Variants in TXNDC15 observed in about 807,000 individuals in gnomAD.
TXNDC15 encodes thioredoxin domain-containing protein 15.
A neutral mutation model predicts 35.0 loss-of-function variants in TXNDC15; 24 were observed. The observed-to-expected ratio is 0.68, with a 90% CI of 0.50 to 0.96. TXNDC15 has a LOEUF of 0.96. Ranked by LOEUF, TXNDC15 falls within the 40% of genes least tolerant of loss-of-function variation. TXNDC15 has a pLI of 0.00. For missense variants in TXNDC15, 385 were observed against 453.3 expected, an observed-to-expected ratio of 0.85 and a Z score of 1.37; for synonymous variants, 169 against 174.0, an observed-to-expected ratio of 0.97 and a Z score of 0.23.
intron 2 of TXNDC15, among the ~76,000 whole-genome samples, chr5:134,891,884 C>T (rs1344562592): frequency 6.6e-6 from 1 of 152,102 alleles, no homozygotes; most frequent in Non-Finnish European, 1.5e-5. Context: ...CACTGTACTC[C>T]AGCCTGGGTG....
chr5:134,896,431 G>A lies in TXNDC15; in HGVS notation c.886+7G>A, dbSNP rs1343061731. 6.2e-7 allele frequency: 1 copy of A among 1,613,014 alleles called. No individual in the cohort carries two copies. Among genetic ancestry groups the A allele is most frequent in the Non-Finnish European group, 8.5e-7 (1 of 1,179,636 alleles). Reference sequence around the variant, plus strand: ...TTCATTTTTAATCAGACAGGTATGTGGAAGTAATGTGCTGAGGAAGAAGAT... The same window carrying A: ...TTCATTTTTAATCAGACAGGTATGTAGAAGTAATGTGCTGAGGAAGAAGAT... On this transcript the variant is annotated splice_region_variant and intron_variant, in intron 4 of 4. Coordinates refer to ENST00000358387, the MANE Select transcript of TXNDC15 (RefSeq NM_024715.4).
At chr5:134,874,263 T>C, upstream of TXNDC15, 1 of 585,002 alleles carries the variant, frequency 1.7e-6, no homozygotes, top group South Asian at 2.1e-5. Context: ...GGCCAGCGGC[T>C]AGAGGCCGTC....
chr5:134,883,253 C>T (rs1046141926), intron 1 of TXNDC15, among the ~76,000 whole-genome samples: 90 of 152,030 alleles, frequency 5.9e-4, no homozygotes, highest in African/African-American at 2.1e-3. Flanking sequence ...GATGAAACCC[C>T]GTCTCTACTA....
upstream of TXNDC15, chr5:134,874,296 C>T: frequency 2.8e-6 from 2 of 713,594 alleles, no homozygotes. Context: ...AGATGGCGCC[C>T]GCCACAGCTG....
In TXNDC15 at chr5:134,899,728, G is replaced by A. The variant is rs73790726; in HGVS notation, c.*43G>A. The A allele has an allele frequency of 1.8e-3, 2,711 of 1,481,796 alleles. 47 individuals carry two copies. In the African/African-American group the frequency reaches 0.035, roughly 19 times the overall value. The allele number at this position is 1,481,796 out of a possible 1,614,324, so 91.8% of individuals were successfully genotyped here. On this transcript the variant is annotated 3_prime_UTR_variant, in exon 5 of 5. Coordinates refer to ENST00000358387, the MANE Select transcript of TXNDC15 (RefSeq NM_024715.4). Reference sequence around the variant, plus strand: ...TTGGAAAGAGGAACTTCAATCCTTCGTTTCAGAAATTAGTGCTACAGTTTC... The same window carrying A: ...TTGGAAAGAGGAACTTCAATCCTTCATTTCAGAAATTAGTGCTACAGTTTC...
At chr5:134,891,692 A>G (rs1750389966) in intron 2 of TXNDC15, among the ~76,000 whole-genome samples, 3 of 152,202 alleles carry the variant, frequency 2.0e-5, no homozygotes. Context: ...TCAGAGGCCA[A>G]GGTGGGTGGA....
chr5:134,884,722 A>C (rs1750240797), intron 1 of TXNDC15, among the ~76,000 whole-genome samples: 1 of 152,092 alleles, frequency 6.6e-6, no homozygotes, highest in Non-Finnish European at 1.5e-5. Context: ...TGAATGCAAT[A>C]CAGTTACAAT....
At chr5:134,884,556 T>C (rs1750237322) in intron 1 of TXNDC15, among the ~76,000 whole-genome samples, 2 of 151,298 alleles carry the variant, frequency 1.3e-5, no homozygotes, top group South Asian at 4.2e-4. Flanking sequence ...CCAATTTGAT[T>C]GTTTTTATTT....
chr5:134,876,872 A>C (rs957339438), intron 1 of TXNDC15, among the ~76,000 whole-genome samples: 3 of 151,968 alleles, frequency 2.0e-5, no homozygotes, highest in Non-Finnish European at 4.4e-5. Flanking sequence ...TCCTGGCTTC[A>C]ATACCCCTAT....
At chr5:134,875,236 G>A (rs1048425752) in intron 1 of TXNDC15, 2 of 456,256 alleles carry the variant, frequency 4.4e-6, no homozygotes, top group Non-Finnish European at 8.8e-6. Flanking sequence ...GGAGAGTGGA[G>A]GCCTTACTTT....
Position 134,874,474 on chromosome 5 carries a change from T to A in TXNDC15, c.47T>A (p.Leu16His). The A allele has an allele frequency of 6.2e-7, 1 of 1,606,122 alleles. No individual in the cohort carries two copies. The highest frequency in any genetic ancestry group is 8.5e-7 in the Non-Finnish European group (1 of 1,177,966). The change falls in exon 1 of 5, where the codon CTC becomes CAC. Residue 16 changes from leucine (L) to histidine (H), a missense_variant. Coordinates refer to ENST00000358387, the MANE Select transcript of TXNDC15 (RefSeq NM_024715.4). Reference sequence around the variant, plus strand: ...CGACCGCCCCGCGTCATGCGGCTCCTCGGCTGGTGGCAAGTATTGCTGTGG... The same window carrying A: ...CGACCGCCCCGCGTCATGCGGCTCCACGGCTGGTGGCAAGTATTGCTGTGG... ...GRRPPRVMRL[L>H]GWWQVLLWVL...
intron 1 of TXNDC15, chr5:134,875,314 G>A (rs1265335907): frequency 2.2e-6 from 1 of 456,254 alleles, no homozygotes; most frequent in South Asian, 1.5e-5. Flanking sequence ...TTGTCATTTA[G>A]ACCTTAACAG....
At chr5:134,893,420 C>G in intron 2 of TXNDC15, 72 bp from the exon 3 acceptor site, 1 of 1,583,272 alleles carries the variant, frequency 6.3e-7, no homozygotes, top group Non-Finnish European at 8.7e-7. Context: ...GCAGTGTGTC[C>G]TGTTTCTTGG....
At chr5:134,881,794 G>C (rs1265977367) in intron 1 of TXNDC15, among the ~76,000 whole-genome samples, 9 of 150,282 alleles carry the variant, frequency 6.0e-5, no homozygotes, top group Non-Finnish European at 4.5e-5. Context: ...CCTCCCGGAC[G>C]GGGCGGCTGG....
chr5:134,876,732 GTT>G (rs532547885), intron 1 of TXNDC15, among the ~76,000 whole-genome samples: 3 of 131,006 alleles, frequency 2.3e-5, no homozygotes, highest in South Asian at 2.4e-4. Flanking sequence ...AATCTGAGGT[GTT>G]TTTTTTTTTT....
At chr5:134,874,758 G>T (rs1183844435) in intron 1 of TXNDC15, among the ~76,000 whole-genome samples, 2 of 152,262 alleles carry the variant, frequency 1.3e-5, no homozygotes, top group Non-Finnish European at 2.9e-5. Context: ...TGGTTGGGCC[G>T]CGTTCAGGCC....
chr5:134,876,940 A>C (rs1750046965), intron 1 of TXNDC15, among the ~76,000 whole-genome samples: 1 of 152,116 alleles, frequency 6.6e-6, no homozygotes, highest in Non-Finnish European at 1.5e-5. Flanking sequence ...ATCATATGCT[A>C]AACACTGTGC....
chr5:134,893,267 G>C (rs995458213), intron 2 of TXNDC15: 3 of 485,690 alleles, frequency 6.2e-6, no homozygotes, highest in Non-Finnish European at 1.1e-5. Flanking sequence ...AATTCAGCAA[G>C]ACTTAAAAAA....
chr5:134,882,916 G>A (rs1024637668), intron 1 of TXNDC15, among the ~76,000 whole-genome samples: 5 of 152,174 alleles, frequency 3.3e-5, no homozygotes, highest in Non-Finnish European at 7.3e-5. Flanking sequence ...ATTTTCTTCC[G>A]TATTGTCTAC....
Sources: allele counts gnomAD v4.1 joint callset (sites outside exome capture counted in the v4.1 genomes callset), GRCh38; gene constraint gnomAD v4.1.1; transcripts MANE v1.5; gene names NCBI Gene and HGNC (gene_info 2026-07-23, HGNC 2026-07-21).